ARHGEF10L: variants seen among roughly 807,000 people sequenced by gnomAD.
ARHGEF10L encodes the protein rho guanine nucleotide exchange factor 10-like protein.
ARHGEF10L carries 69 observed loss-of-function variants against 141.2 expected under a neutral mutation model. That is an observed-to-expected ratio of 0.49 (90% CI 0.40 to 0.60). ARHGEF10L has a LOEUF of 0.60. Ranked by LOEUF, ARHGEF10L falls within the 20% of genes least tolerant of loss-of-function variation. The pLI is 0.00. For synonymous variants in ARHGEF10L, 711 were observed against 718.5 expected (o/e 0.99, Z 0.17); for missense variants, 1,482 against 1,734.3 (o/e 0.85, Z 2.58).
chr1:17,519,964 C>T, the ARHGEF10L span, among the ~76,000 whole-genome samples: 1 of 152,242 alleles, frequency 6.6e-6, no homozygotes, highest in Admixed American at 6.5e-5. Context: ...TTCCTTTCCA[C>T]CTTCTCTGGC....
chr1:17,665,290 T>G (rs1443011264), intron 26 of ARHGEF10L, among the ~76,000 whole-genome samples: 1 of 152,234 alleles, frequency 6.6e-6, no homozygotes, highest in African/African-American at 2.4e-5. Flanking sequence ...AGGGGCAGTC[T>G]TCATTCGCCT....
intron 26 of ARHGEF10L, among the ~76,000 whole-genome samples, chr1:17,674,657 G>A (rs1443401338): frequency 6.6e-6 from 1 of 152,224 alleles, no homozygotes; most frequent in East Asian, 1.9e-4. Flanking sequence ...TGGGAAACTG[G>A]TCAGTTATAT....
chr1:17,678,668 C>A (rs985590019), intron 26 of ARHGEF10L, among the ~76,000 whole-genome samples: 1 of 152,214 alleles, frequency 6.6e-6, no homozygotes, highest in African/African-American at 2.4e-5. Flanking sequence ...ATCTGCCCAC[C>A]TCAGCTTCCC....
chr1:17,614,964 C>G (rs187906428), intron 8 of ARHGEF10L: 1,827 of 152,334 alleles, frequency 0.012, 19 homozygotes, highest in South Asian at 0.029. Flanking sequence ...AACCCCACCC[C>G]GCAGATTAGT....
chr1:17,526,909 GA>G, the ARHGEF10L span, among the ~76,000 whole-genome samples: 130,370 of 142,626 alleles, frequency 0.91, 59,610 homozygotes, highest in Non-Finnish European at 0.96. Flanking sequence ...GTCTCCAAAA[GA>G]AAAAAAAAAA....
intron 16 of ARHGEF10L, among the ~76,000 whole-genome samples, chr1:17,633,033 T>A (rs990603915): frequency 6.6e-6 from 1 of 152,224 alleles, no homozygotes; most frequent in African/African-American, 2.4e-5. Context: ...AGCCTGAAGA[T>A]GTGGCCCATC....
At chr1:17,570,393 T>TG (rs1293647890) in intron 1 of ARHGEF10L, among the ~76,000 whole-genome samples, 2 of 151,938 alleles carry the variant, frequency 1.3e-5, no homozygotes, top group Non-Finnish European at 2.9e-5. Flanking sequence ...CAGCAGTGTG[T>TG]GGGTATCTGG....
chr1:17,532,025 T>C, the ARHGEF10L span, among the ~76,000 whole-genome samples: 2 of 152,076 alleles, frequency 1.3e-5, no homozygotes, highest in Admixed American at 1.3e-4. Flanking sequence ...ACCAGCCAAG[T>C]GTCACTGAAG....
In ARHGEF10L at chr1:17,576,628, T is replaced by G. The variant is rs150766202; in HGVS notation, c.-43-3925T>G. Among the ~76,000 whole-genome samples the G allele has an allele frequency of 4.2e-3, 645 of 152,050 alleles. 5 individuals carry two copies. The highest frequency in any genetic ancestry group is 0.015 in the African/African-American group (607 of 41,474). ...CCACCCAAGCATAGCCTGGATAGGG[T>G]CCCCATGGTAACAGAGGCCCCTGTC... On this transcript the variant is annotated intron_variant, in intron 1 of 28. Transcript: ENST00000361221.
chr1:17,538,561 T>G (rs1230471754), upstream of ARHGEF10L, among the ~76,000 whole-genome samples: 1 of 152,132 alleles, frequency 6.6e-6, no homozygotes, highest in African/African-American at 2.4e-5. Context: ...CTTGTCTCAC[T>G]GCACTGTAGC....
intron 27 of ARHGEF10L, among the ~76,000 whole-genome samples, chr1:17,690,817 C>T (rs1041658776): frequency 3.3e-5 from 5 of 152,212 alleles, no homozygotes; most frequent in African/African-American, 4.8e-5. Context: ...GGGACCAGAG[C>T]GTGGGGGGCA....
At chr1:17,601,509 G>A (rs2080678035) in intron 4 of ARHGEF10L, among the ~76,000 whole-genome samples, 1 of 152,174 alleles carries the variant, frequency 6.6e-6, no homozygotes, top group African/African-American at 2.4e-5. Context: ...GTAGTGGCAT[G>A]ATCTTGGGTC....
rs1483204681 is a variant in ARHGEF10L at position 17,587,609 on chromosome 1, C to T, written c.187C>T (p.Pro63Ser). ...PSLAPERDTD[P>S]PLIHLDSIPV... ...CCTTGCTCCTGAGAGGGACACAGAC[C>T]CCCCACTGATCCACTTGGACTCCAT... The change falls in exon 3 of 29, where the codon CCC becomes TCC. Residue 63 changes from proline (P) to serine (S), a missense_variant. This residue lies in a region of ARHGEF10L where 232 missense variants were observed against 225.9 expected (regional missense o/e 1.03). Coordinates refer to ENST00000361221, the MANE Select transcript of ARHGEF10L (RefSeq NM_018125.4). 1 of 1,613,780 alleles carries T rather than the reference C, an allele frequency of 6.2e-7. No homozygotes were observed. The highest frequency in any genetic ancestry group is 2.2e-5 in the East Asian group (1 of 44,866).
chr1:17,557,049 A>G (rs1166277837), intron 1 of ARHGEF10L, among the ~76,000 whole-genome samples: 2 of 151,240 alleles, frequency 1.3e-5, no homozygotes, highest in East Asian at 1.9e-4. Flanking sequence ...AAAAAAAAAA[A>G]AAAGAAAATG....
chr1:17,669,076 A>G (rs893638354), intron 26 of ARHGEF10L, among the ~76,000 whole-genome samples: 8 of 152,142 alleles, frequency 5.3e-5, no homozygotes, highest in African/African-American at 1.9e-4. Context: ...CTCGCGTGTG[A>G]TGTCTGCAGC....
chr1:17,614,094 A>G (rs1482612620), intron 8 of ARHGEF10L, among the ~76,000 whole-genome samples: 2 of 152,230 alleles, frequency 1.3e-5, no homozygotes, highest in Non-Finnish European at 2.9e-5. Context: ...GCTAGTGGCC[A>G]CAGCAGTGGT....
intron 4 of ARHGEF10L, among the ~76,000 whole-genome samples, 163 bp from the exon 5 acceptor site, chr1:17,601,964 G>C (rs2080723552): frequency 6.6e-6 from 1 of 152,164 alleles, no homozygotes; most frequent in Non-Finnish European, 1.5e-5. Context: ...TAAAGATGAG[G>C]AGCCTGGGGG....
At chr1:17,611,533 T>TGTCC (rs113523077) in intron 7 of ARHGEF10L, among the ~76,000 whole-genome samples, 9 of 150,660 alleles carry the variant, frequency 6.0e-5, no homozygotes, top group Admixed American at 2.0e-4. Flanking sequence ...TCTGTCTGTA[T>TGTCC]ATCCATCCAT....
At chr1:17,534,191 C>T in the ARHGEF10L span, among the ~76,000 whole-genome samples, 30 of 151,956 alleles carry the variant, frequency 2.0e-4, 1 homozygote, top group African/African-American at 7.2e-4. Context: ...GGCGTGATTT[C>T]AGCTCACTGC....
Sources: allele counts gnomAD v4.1 joint callset (sites outside exome capture counted in the v4.1 genomes callset), GRCh38; gene constraint gnomAD v4.1.1; regional missense constraint gnomAD v4.1.1; transcripts MANE v1.5; gene names NCBI Gene and HGNC (gene_info 2026-07-23, HGNC 2026-07-21).